Variants in SSH2 observed in about 807,000 individuals in gnomAD.
SSH2 encodes the protein protein phosphatase Slingshot homolog 2.
In SSH2, 37 loss-of-function variants were observed where a neutral mutation model predicts 135.2. The ratio of observed to expected loss-of-function variants is 0.27; its 90% CI spans 0.21 to 0.36. SSH2 has a LOEUF of 0.36. Ranked by LOEUF, SSH2 falls within the 10% of genes least tolerant of loss-of-function variation. The pLI, the probability that SSH2 is intolerant of heterozygous loss-of-function variation, is 1.00. For missense variants in SSH2, 1,408 were observed against 1,765.3 expected (o/e 0.80, Z 3.63); for synonymous variants, 628 against 646.2 (o/e 0.97, Z 0.43).
chr17:29,735,290 C>G (rs1186517723), intron 3 of SSH2, among the ~76,000 whole-genome samples: 1 of 152,132 alleles, frequency 6.6e-6, no homozygotes, highest in Non-Finnish European at 1.5e-5. Flanking sequence ...TCACCTTTAA[C>G]AAGAGGCAAA....
intron 13 of SSH2, 136 bp from the exon 14 acceptor site, chr17:29,648,480 C>A (rs1334891533): frequency 2.0e-5 from 13 of 655,316 alleles, no homozygotes; most frequent in African/African-American, 5.5e-5. Context: ...CACTTTGGTA[C>A]ACTCATATAC....
intron 2 of SSH2, among the ~76,000 whole-genome samples, chr17:29,840,962 T>C (rs1460416222): frequency 6.6e-6 from 1 of 152,158 alleles, no homozygotes; most frequent in Admixed American, 6.5e-5. Context: ...AACTACTACA[T>C]GATGCTGAGC....
chr17:29,707,666 T>C (rs2039262210), intron 3 of SSH2, among the ~76,000 whole-genome samples: 1 of 151,992 alleles, frequency 6.6e-6, no homozygotes, highest in South Asian at 2.1e-4. Flanking sequence ...GCTGGGACTA[T>C]GGGCATACGT....
intron 1 of SSH2, among the ~76,000 whole-genome samples, chr17:29,913,336 A>AT (rs2066801404): frequency 1.8e-5 from 1 of 55,090 alleles, no homozygotes; most frequent in African/African-American, 5.4e-5. Context: ...AAAAAAAAAA[A>AT]AAAAAAAAAA....
rs563865372 is a variant in SSH2 at position 29,924,960 on chromosome 17, C to A, written c.63+4978G>T. Among the ~76,000 whole-genome samples the A allele has an allele frequency of 2.6e-5, 4 of 152,292 alleles. No individual in the cohort carries two copies. The South Asian group carries it at 8.3e-4, about 32-fold the overall frequency. On this transcript the variant is annotated intron_variant, in intron 1 of 15. Transcript: ENST00000540801. The stretch of plus-strand genomic sequence containing the variant: ...ATATCTTGCACCTTTACTCAACTGG[C>A]AGTCAAGTCTCTGGAACAGAAACCG...
chr17:29,803,475 T>C (rs552101479), intron 2 of SSH2, among the ~76,000 whole-genome samples: 25 of 152,284 alleles, frequency 1.6e-4, no homozygotes, highest in African/African-American at 5.8e-4. Context: ...GGGTTGGTCT[T>C]CTTGAATAAT....
intron 3 of SSH2, among the ~76,000 whole-genome samples, chr17:29,758,908 T>A (rs2041208690): frequency 1.3e-5 from 2 of 151,028 alleles, no homozygotes; most frequent in African/African-American, 4.9e-5. Flanking sequence ...AACACCACAC[T>A]CTGCTAATTT....
At chr17:29,800,052 T>G (rs1483646384) in intron 2 of SSH2, among the ~76,000 whole-genome samples, 1 of 152,194 alleles carries the variant, frequency 6.6e-6, no homozygotes, top group South Asian at 2.1e-4. Flanking sequence ...CACTTCAAAG[T>G]AGTGCCAAAA....
intron 2 of SSH2, among the ~76,000 whole-genome samples, chr17:29,805,490 G>A (rs942966556): frequency 6.6e-6 from 1 of 152,086 alleles, no homozygotes; most frequent in Non-Finnish European, 1.5e-5. Context: ...TAGCTCTGAC[G>A]TTGGTCCGCT....
Position 29,930,036 on chromosome 17 carries a change from T to C in SSH2, c.-36A>G. On this transcript the variant is annotated 5_prime_UTR_variant, in exon 1 of 16. Coordinates refer to ENST00000540801, the MANE Select transcript of SSH2 (RefSeq NM_001282129.2). ...CTGGGTTGTTCCGGGCAGGGCATTCTTGTCCTGAGTGTGGGGGACGGGAGG... is the reference window on the plus strand; with the variant it reads ...CTGGGTTGTTCCGGGCAGGGCATTCCTGTCCTGAGTGTGGGGGACGGGAGG... 1 of 1,560,998 alleles carries C rather than the reference T, an allele frequency of 6.4e-7. No homozygotes were observed. The highest frequency in any genetic ancestry group is 8.7e-7 in the Non-Finnish European group (1 of 1,152,502).
At chr17:29,923,238 T>C (rs962030824) in intron 1 of SSH2, among the ~76,000 whole-genome samples, 1 of 152,184 alleles carries the variant, frequency 6.6e-6, no homozygotes, top group Admixed American at 6.5e-5. Flanking sequence ...TATAATCTAG[T>C]AATTGAATTT....
intron 2 of SSH2, among the ~76,000 whole-genome samples, chr17:29,823,132 A>G (rs897369574): frequency 6.6e-6 from 1 of 152,224 alleles, no homozygotes; most frequent in Admixed American, 6.5e-5. Context: ...TAAAATATAT[A>G]CATTATAGAA....
At chr17:29,907,210 A>AG (rs1203720087) in intron 1 of SSH2, among the ~76,000 whole-genome samples, 1 of 152,244 alleles carries the variant, frequency 6.6e-6, no homozygotes, top group Admixed American at 6.5e-5. Flanking sequence ...TATCTTTTGC[A>AG]GGGAAATGGA....
At chr17:29,709,873 C>T (rs2039373821) in intron 3 of SSH2, among the ~76,000 whole-genome samples, 1 of 152,206 alleles carries the variant, frequency 6.6e-6, no homozygotes, top group African/African-American at 2.4e-5. Context: ...TTGGGAATGA[C>T]AGTGGCATCT....
At chr17:29,728,940 C>T (rs1277628625) in intron 3 of SSH2, among the ~76,000 whole-genome samples, 3 of 152,120 alleles carry the variant, frequency 2.0e-5, no homozygotes, top group Non-Finnish European at 4.4e-5. Context: ...AACTATGAAA[C>T]CACTACAAGA....
At chr17:29,725,142 T>C (rs2039956656) in intron 3 of SSH2, among the ~76,000 whole-genome samples, 1 of 150,710 alleles carries the variant, frequency 6.6e-6, no homozygotes, top group Admixed American at 6.6e-5. Context: ...GGTTAGGAGA[T>C]CGAGACCATT....
Position 29,631,487 on chromosome 17 carries a change from G to T in SSH2, c.3707C>A (p.Ala1236Asp), listed in dbSNP as rs768432009. The change falls in exon 16 of 16, where the codon GCC becomes GAC. Residue 1236 changes from alanine to aspartate, a missense_variant. Transcript: ENST00000540801. ...LQEKMDPLPV[A>D]CRLPHSSSSE... ...ACTAGAGCTATGTGGGAGTCGACAGGCTACAGGCAATGGGTCCATTTTCTC... is the reference window on the plus strand; with the variant it reads ...ACTAGAGCTATGTGGGAGTCGACAGTCTACAGGCAATGGGTCCATTTTCTC... The T allele has an allele frequency of 6.2e-7, 1 of 1,614,122 alleles. No homozygotes were observed. The highest frequency in any genetic ancestry group is 8.5e-7 in the Non-Finnish European group (1 of 1,180,028).
rs766492881 is a variant in SSH2 at position 29,636,329 on chromosome 17, T to C, written c.1901A>G (p.Asn634Ser). 3 of 1,614,048 alleles carry C rather than the reference T, an allele frequency of 1.9e-6. No homozygotes were observed. Among genetic ancestry groups the C allele is most frequent in the East Asian group, 2.2e-5 (1 of 44,898 alleles). The change falls in exon 15 of 16, where the codon AAT becomes AGT. Residue 634 changes from asparagine to serine, a missense_variant. Around this residue, in one of 3 missense-constraint regions of SSH2, gnomAD observed 1,080 missense variants for 1,144.5 expected, o/e 0.94. Coordinates refer to ENST00000540801, the MANE Select transcript of SSH2 (RefSeq NM_001282129.2). ...TTCTTCCATAGGCAGTAGGTGGACA[T>C]TCATGTCTGCTTTCAGTGCATCTGT... ...LETDALKADM[N>S]VHLLPMEELT...
intron 1 of SSH2, among the ~76,000 whole-genome samples, chr17:29,921,469 T>A (rs1291259409): frequency 2.0e-5 from 3 of 152,230 alleles, no homozygotes; most frequent in Admixed American, 6.5e-5. Flanking sequence ...GATCATATCC[T>A]TTGGGCTTCT....
Sources: gnomAD v4.1 joint callset for allele counts (sites outside exome capture counted in the v4.1 genomes callset) on GRCh38, gnomAD v4.1.1 for gene constraint, gnomAD v4.1.1 regional missense constraint, MANE v1.5 for transcripts, NCBI Gene and HGNC (gene_info 2026-07-23, HGNC 2026-07-21) for gene names.